The following SPMAP1 variants were observed in gnomAD, a reference collection of about 807,000 sequenced individuals.
SPMAP1 encodes the protein uncharacterized protein C17orf98.
chr17:38,841,290 G>A, the SPMAP1 span: 1 of 1,614,076 alleles, frequency 6.2e-7, no homozygotes, highest in Non-Finnish European at 8.5e-7. Context: ...CACAGCTTGG[G>A]CCTAGAGCGC....
chr17:38,841,335 C>T, the SPMAP1 span: 8 of 1,614,170 alleles, frequency 5.0e-6, no homozygotes, highest in East Asian at 4.5e-5. Context: ...ACAGCCACCC[C>T]GTCCAAGATA....
chr17:38,835,435 CA>C, the SPMAP1 span: 1 of 1,377,326 alleles, frequency 7.3e-7, no homozygotes, highest in Non-Finnish European at 1.0e-6. Flanking sequence ...GGATGCCAAC[CA>C]GGCGTAGTCA....
the SPMAP1 span, chr17:38,841,148 G>A: frequency 1.3e-6 from 2 of 1,538,196 alleles, no homozygotes; most frequent in Admixed American, 1.7e-5. Context: ...GAAGATTTAG[G>A]GAGGTGTGTG....
At chr17:38,837,838 A>G in the SPMAP1 span, among the ~76,000 whole-genome samples, 1 of 152,158 alleles carries the variant, frequency 6.6e-6, no homozygotes, top group Non-Finnish European at 1.5e-5. Flanking sequence ...CCTTGGGCCA[A>G]TTACACAGCT....
chr17:38,836,588 T>TC, the SPMAP1 span, among the ~76,000 whole-genome samples: 1 of 10,392 alleles, frequency 9.6e-5, no homozygotes, highest in Admixed American at 1.5e-3. Context: ...TTTCTTTCTT[T>TC]TTTTTTTTTT....
At chr17:38,835,245 C>T in the SPMAP1 span, 1 of 1,614,214 alleles carries the variant, frequency 6.2e-7, no homozygotes, top group Non-Finnish European at 8.5e-7. Context: ...TGACGGAGGG[C>T]TGGAGTGTTC....
At chr17:38,837,573 G>A in the SPMAP1 span, among the ~76,000 whole-genome samples, 1 of 151,692 alleles carries the variant, frequency 6.6e-6, no homozygotes, top group Middle Eastern at 3.2e-3. Context: ...AGCTGCTCAG[G>A]AGGCTGAGGC....
chr17:38,838,720 A>C, the SPMAP1 span, among the ~76,000 whole-genome samples: 5 of 152,170 alleles, frequency 3.3e-5, no homozygotes, highest in Admixed American at 6.6e-5. Flanking sequence ...TCAAGGCTGC[A>C]GTGAGCTGTG....
the SPMAP1 span, among the ~76,000 whole-genome samples, chr17:38,836,948 CAA>C: frequency 1.5e-3 from 192 of 127,372 alleles, no homozygotes; most frequent in African/African-American, 4.7e-3. Flanking sequence ...GACCACGTCT[CAA>C]AAAAAAAAAA....
At chr17:38,836,858 G>T in the SPMAP1 span, among the ~76,000 whole-genome samples, 6 of 151,786 alleles carry the variant, frequency 4.0e-5, no homozygotes, top group South Asian at 1.0e-3. Context: ...AGCTCCCAAA[G>T]TGCTGGGATT....
the SPMAP1 span, among the ~76,000 whole-genome samples, chr17:38,836,944 G>A: frequency 2.0e-5 from 3 of 148,270 alleles, no homozygotes; most frequent in Non-Finnish European, 4.4e-5. Flanking sequence ...GTGAGACCAC[G>A]TCTCAAAAAA....
the SPMAP1 span, chr17:38,835,450 G>T: frequency 8.2e-7 from 1 of 1,214,994 alleles, no homozygotes; most frequent in Non-Finnish European, 1.2e-6. Flanking sequence ...GTAGTCACTT[G>T]CATTCCCCAT....
At chr17:38,841,226 A>G in the SPMAP1 span, 1 of 1,614,136 alleles carries the variant, frequency 6.2e-7, no homozygotes, top group Non-Finnish European at 8.5e-7. Context: ...GTGACTCTGG[A>G]AGTAGCTGCG....
chr17:38,836,295 A>G, the SPMAP1 span, among the ~76,000 whole-genome samples: 2 of 151,088 alleles, frequency 1.3e-5, no homozygotes, highest in Non-Finnish European at 2.9e-5. Flanking sequence ...TACCTGTGCC[A>G]TGGGGTTAGT....
At chr17:38,837,242 T>TGAAAGTGGGCAAGA in the SPMAP1 span, 1 of 1,607,568 alleles carries the variant, frequency 6.2e-7, no homozygotes, top group Non-Finnish European at 8.5e-7. Flanking sequence ...GCCATGATCC[T>TGAAAGTGGGCAAGA]GAAAGTGGGC....
At chr17:38,841,150 A>C in the SPMAP1 span, 1 of 1,542,038 alleles carries the variant, frequency 6.5e-7, no homozygotes, top group Non-Finnish European at 8.9e-7. Context: ...AGATTTAGGG[A>C]GGTGTGTGGG....
the SPMAP1 span, chr17:38,835,259 C>G: frequency 6.2e-7 from 1 of 1,614,140 alleles, no homozygotes. Flanking sequence ...AGTGTTCCTG[C>G]GGTAGCCAAA....
chr17:38,839,720 A>T, the SPMAP1 span, among the ~76,000 whole-genome samples: 1 of 151,860 alleles, frequency 6.6e-6, no homozygotes, highest in South Asian at 2.1e-4. Flanking sequence ...GAATGGCGTG[A>T]ACCCAGGAGG....
the SPMAP1 span, chr17:38,835,114 A>G: frequency 5.3e-6 from 8 of 1,503,002 alleles, no homozygotes; most frequent in Non-Finnish European, 9.2e-7. Context: ...TTTTTAACGT[A>G]AAATAACACT....
Sources: allele counts gnomAD v4.1 joint callset (sites outside exome capture counted in the v4.1 genomes callset), GRCh38; gene constraint gnomAD v4.1.1; transcripts MANE v1.5; gene names NCBI Gene and HGNC (gene_info 2026-07-23, HGNC 2026-07-21).